Variants in NEK1 observed in about 807,000 individuals in gnomAD.
NEK1 encodes serine/threonine-protein kinase Nek1.
NEK1 carries 137 observed loss-of-function variants against 182.1 expected under a neutral mutation model. The observed-to-expected ratio is 0.75, with a 90% CI of 0.65 to 0.87. The LOEUF (loss-of-function observed/expected upper bound fraction) is 0.87. Ranked by LOEUF, NEK1 falls within the 40% of genes least tolerant of loss-of-function variation. NEK1 has a pLI of 0.00. For missense variants in NEK1, 1,391 were observed against 1,494.4 expected (o/e 0.93, Z 1.14); for synonymous variants, 513 against 492.2 (o/e 1.04, Z -0.56).
Position 169,464,868 on chromosome 4 carries a change from C to A in NEK1, c.2435-1473G>T, listed in dbSNP as rs1175962846. On this transcript the variant is annotated intron_variant, in intron 26 of 35. Transcript: ENST00000507142. ...CAAATAACTGCTACTTCCTTATTGACAATAATAATTTGGGGTAAACCATTT... is the reference window on the plus strand; with the variant it reads ...CAAATAACTGCTACTTCCTTATTGAAAATAATAATTTGGGGTAAACCATTT... 4.0e-5 allele frequency among the ~76,000 whole-genome samples: 6 copies of A among 151,870 alleles called. No homozygotes were observed. In the South Asian group the frequency reaches 1.2e-3, roughly 32 times the overall value.
intron 12 of NEK1, among the ~76,000 whole-genome samples, chr4:169,575,905 GC>G (rs1048409213): frequency 6.6e-6 from 1 of 151,422 alleles, no homozygotes; most frequent in African/African-American, 2.4e-5. Flanking sequence ...ATTACTGCAT[GC>G]TTTAAAAAAA....
At chr4:169,542,226 T>C (rs995841035) in intron 18 of NEK1, among the ~76,000 whole-genome samples, 2 of 152,224 alleles carry the variant, frequency 1.3e-5, no homozygotes, top group African/African-American at 4.8e-5. Flanking sequence ...TGTGTTCTCA[T>C]TGTTCAACTC....
intron 5 of NEK1, among the ~76,000 whole-genome samples, chr4:169,595,796 G>A (rs1032213572): frequency 6.6e-5 from 10 of 151,688 alleles, no homozygotes; most frequent in Non-Finnish European, 1.0e-4. Flanking sequence ...GGTGGCGGGC[G>A]CCTGTAGTCC....
chr4:169,448,208 CAG>C (rs1740960911), intron 27 of NEK1, among the ~76,000 whole-genome samples: 1 of 151,820 alleles, frequency 6.6e-6, no homozygotes, highest in African/African-American at 2.4e-5. Context: ...GCCTGGGTGA[CAG>C]AGTGAGTCCC....
intron 4 of NEK1, among the ~76,000 whole-genome samples, 178 bp downstream of exon 4, chr4:169,601,830 T>C (rs536502555): frequency 6.6e-6 from 1 of 150,702 alleles, no homozygotes; most frequent in Admixed American, 6.6e-5. Context: ...AGCGAGACTG[T>C]CTCAATTTAA....
chr4:169,571,151 C>T (rs910962392), intron 12 of NEK1, among the ~76,000 whole-genome samples: 2 of 148,702 alleles, frequency 1.3e-5, no homozygotes, highest in African/African-American at 5.0e-5. Flanking sequence ...TCCCCCTCTG[C>T]GAGAAACACC....
At chr4:169,610,693 G>A (rs1388008193) in intron 2 of NEK1, among the ~76,000 whole-genome samples, 1 of 152,210 alleles carries the variant, frequency 6.6e-6, no homozygotes, top group African/African-American at 2.4e-5. Context: ...CAATTTTAGA[G>A]TATATGAATG....
At chr4:169,448,078 T>G (rs910661279) in intron 27 of NEK1, among the ~76,000 whole-genome samples, 1 of 151,522 alleles carries the variant, frequency 6.6e-6, no homozygotes, top group African/African-American at 2.4e-5. Context: ...TTTAGCCATG[T>G]GTGGTGGCTA....
intron 12 of NEK1, among the ~76,000 whole-genome samples, chr4:169,563,873 T>C (rs1044506223): frequency 6.6e-6 from 1 of 152,228 alleles, no homozygotes; most frequent in Admixed American, 6.5e-5. Flanking sequence ...GCTAATGCAG[T>C]AAAATTACAG....
intron 10 of NEK1, among the ~76,000 whole-genome samples, chr4:169,585,090 G>A (rs183736648): frequency 2.0e-5 from 3 of 152,110 alleles, no homozygotes; most frequent in East Asian, 3.9e-4. Flanking sequence ...TCAGGAGGCT[G>A]AGGCAGAAGG....
At chr4:169,404,798 T>C (rs1473614745) in intron 32 of NEK1, among the ~76,000 whole-genome samples, 1 of 152,180 alleles carries the variant, frequency 6.6e-6, no homozygotes, top group Non-Finnish European at 1.5e-5. Context: ...TTTTTAATTT[T>C]ACTTTAAGTT....
At chr4:169,548,606 G>A (rs563078687) in intron 18 of NEK1, among the ~76,000 whole-genome samples, 2 of 152,350 alleles carry the variant, frequency 1.3e-5, no homozygotes, top group South Asian at 4.1e-4. Flanking sequence ...CAGGGAGGTG[G>A]GGGTTTTATC....
At chr4:169,483,841 GGGCGACA>G (rs1748550962) in intron 23 of NEK1, among the ~76,000 whole-genome samples, 1 of 148,260 alleles carries the variant, frequency 6.7e-6, no homozygotes, top group Non-Finnish European at 1.5e-5. Flanking sequence ...ACTCCAGCCT[GGGCGACA>G]GAGTGAGACT....
At chr4:169,400,814 C>CA (rs575496233) in intron 33 of NEK1, among the ~76,000 whole-genome samples, 163 bp from the exon 34 acceptor site, 236 of 149,940 alleles carry the variant, frequency 1.6e-3, no homozygotes, top group African/African-American at 4.0e-3. Context: ...CTTTATTTGG[C>CA]AAAAAAAATG....
chr4:169,453,786 C>T (rs1054870584), intron 27 of NEK1, among the ~76,000 whole-genome samples: 8 of 152,196 alleles, frequency 5.3e-5, no homozygotes, highest in African/African-American at 7.2e-5. Flanking sequence ...TTAATAAATA[C>T]GTAGGTAAAT....
chr4:169,610,306 ATTTC>A (rs1330273400), intron 2 of NEK1, among the ~76,000 whole-genome samples: 2 of 151,122 alleles, frequency 1.3e-5, no homozygotes, highest in Non-Finnish European at 2.9e-5. Context: ...CTGACCCAGA[ATTTC>A]TTTCTTTTTT....
rs547832411 is a variant in NEK1, at chr4:169,393,398, C to A, written c.*1112G>T. ...TAAATTCAACATACTGATAGTGCTG[C>A]AAGATAAGATTTTATTTTTCAAATT... On this transcript the variant is annotated 3_prime_UTR_variant, in exon 36 of 36. Transcript: ENST00000507142. 112 of 152,190 alleles carry A rather than the reference C, an allele frequency of 7.4e-4. No individual in the cohort carries two copies. Among genetic ancestry groups the A allele is most frequent in the African/African-American group, 2.6e-3 (108 of 41,520 alleles). The allele number at this position is 152,190 out of a possible 1,614,324, so 9.4% of individuals were successfully genotyped here.
chr4:169,460,474 C>T (rs1159634418), intron 27 of NEK1, among the ~76,000 whole-genome samples: 2 of 152,060 alleles, frequency 1.3e-5, no homozygotes, highest in Non-Finnish European at 2.9e-5. Flanking sequence ...CCAGGTTCCT[C>T]TCATAACACG....
chr4:169,518,436 T>A (rs1755490701), intron 19 of NEK1, among the ~76,000 whole-genome samples: 1 of 139,178 alleles, frequency 7.2e-6, no homozygotes, highest in South Asian at 2.3e-4. Context: ...ATCAATTTTG[T>A]TGATCCTTTC....
Sources: allele counts gnomAD v4.1 joint callset (sites outside exome capture counted in the v4.1 genomes callset), GRCh38; gene constraint gnomAD v4.1.1; transcripts MANE v1.5; gene names NCBI Gene and HGNC (gene_info 2026-07-23, HGNC 2026-07-21).